RALGAPA2: variants seen among roughly 807,000 people sequenced by gnomAD.
RALGAPA2 encodes ral GTPase-activating protein subunit alpha-2.
In RALGAPA2, 139 loss-of-function variants were observed where a neutral mutation model predicts 230.4. The ratio of observed to expected loss-of-function variants is 0.60; its 90% CI spans 0.53 to 0.69. The LOEUF (loss-of-function observed/expected upper bound fraction) is 0.69, where lower values mean the gene tolerates loss of function less well. Among genes scored for constraint, RALGAPA2 ranks in the 30% least tolerant of loss-of-function variants. RALGAPA2 has a pLI of 0.00. For missense variants in RALGAPA2, 2,163 were observed against 2,276.0 expected (o/e 0.95, Z 1.01); for synonymous variants, 847 against 837.8 (o/e 1.01, Z -0.19).
chr20:20,667,732 T>A (rs1401792834), intron 3 of RALGAPA2, among the ~76,000 whole-genome samples: 2 of 152,200 alleles, frequency 1.3e-5, no homozygotes, highest in Non-Finnish European at 2.9e-5. Flanking sequence ...GCACTGAAAC[T>A]GTTTTCTTTA....
chr20:20,698,215 A>T (rs1335686733), intron 1 of RALGAPA2, among the ~76,000 whole-genome samples: 1 of 152,202 alleles, frequency 6.6e-6, no homozygotes, highest in Middle Eastern at 3.4e-3. Flanking sequence ...AGATAGAGGT[A>T]GCAGTTGCAA....
intron 23 of RALGAPA2, among the ~76,000 whole-genome samples, chr20:20,552,882 A>T (rs1230325824): frequency 6.6e-6 from 1 of 152,116 alleles, no homozygotes; most frequent in Non-Finnish European, 1.5e-5. Flanking sequence ...TACTTTACAT[A>T]CTACAAGCTG....
At chr20:20,694,103 C>CA (rs1394363587) in intron 1 of RALGAPA2, among the ~76,000 whole-genome samples, 5 of 141,294 alleles carry the variant, frequency 3.5e-5, no homozygotes, top group Non-Finnish European at 7.6e-5. Context: ...GACGTTGTCT[C>CA]AAAAAAAATG....
At chr20:20,681,489 G>A (rs1568746945) in intron 1 of RALGAPA2, among the ~76,000 whole-genome samples, 1 of 152,102 alleles carries the variant, frequency 6.6e-6, no homozygotes, top group Non-Finnish European at 1.5e-5. Flanking sequence ...CTCCCACTGG[G>A]GCTGATTAGC....
chr20:20,398,577 G>A lies in RALGAPA2; in HGVS notation c.5618-1843C>T, dbSNP rs1435729590. On this transcript the variant is annotated intron_variant, in intron 38 of 39. Coordinates refer to ENST00000202677, the MANE Select transcript of RALGAPA2 (RefSeq NM_020343.4). This position sits in a 1 kb window ranked among gnomAD's most constrained non-coding sequence, Gnocchi z 4.5. ...TTCCAGTCGTGGAGCAGAGGAGTAA[G>A]CTGTCAGCTTCCTGATACATCTCTG... is the stretch of plus-strand genomic sequence containing the variant. 2.0e-5 allele frequency among the ~76,000 whole-genome samples: 3 copies of A among 152,186 alleles called. No individual in the cohort carries two copies. Among genetic ancestry groups the A allele is most frequent in the Non-Finnish European group, 4.4e-5 (3 of 68,028 alleles).
At chr20:20,576,517 C>T (rs1020419944) in intron 20 of RALGAPA2, among the ~76,000 whole-genome samples, 34 of 152,034 alleles carry the variant, frequency 2.2e-4, no homozygotes, top group African/African-American at 6.0e-4. Flanking sequence ...CTTCTCTTAG[C>T]CCTGATGTAT....
chr20:20,432,610 G>A (rs994836697), intron 37 of RALGAPA2, among the ~76,000 whole-genome samples: 3 of 152,064 alleles, frequency 2.0e-5, no homozygotes, highest in African/African-American at 7.2e-5. Context: ...TAAAGTTAAT[G>A]ATTCTTTGAG....
chr20:20,577,779 C>T (rs2064864723), intron 20 of RALGAPA2, among the ~76,000 whole-genome samples: 1 of 151,938 alleles, frequency 6.6e-6, no homozygotes, highest in Non-Finnish European at 1.5e-5. Flanking sequence ...TGGCATTTTT[C>T]AATCCCTTGA....
intron 37 of RALGAPA2, among the ~76,000 whole-genome samples, chr20:20,426,685 C>T (rs1216331147): frequency 6.6e-6 from 1 of 152,180 alleles, no homozygotes; most frequent in Non-Finnish European, 1.5e-5. Flanking sequence ...ATCAGCAACA[C>T]ACAGCATACG....
In RALGAPA2 at chr20:20,712,238, G is replaced by C. The variant is rs1204443671; in HGVS notation, c.106+137C>G. On this transcript the variant is annotated intron_variant, in intron 1 of 39. Coordinates refer to ENST00000202677, the MANE Select transcript of RALGAPA2 (RefSeq NM_020343.4). The surrounding 1 kb of genome is among the most constrained non-coding windows in gnomAD (Gnocchi z 5.5). The stretch of plus-strand genomic sequence containing the variant: ...ACAAAGCCCCGGGGGTCCAAGCCCA[G>C]ATCCAGGGAAGGGGGTCGGACGCCC... 8.2e-6 allele frequency: 7 copies of C among 858,412 alleles called. No homozygotes were observed. In the South Asian group the frequency reaches 1.3e-4, roughly 16 times the overall value. The allele number at this position is 858,412 out of a possible 1,614,324, so 53.2% of individuals were successfully genotyped here. A position where few individuals can be genotyped will look rare whatever the true frequency, so the allele number is the denominator to read the frequency against.
chr20:20,586,110 C>T (rs2065126366), intron 18 of RALGAPA2, among the ~76,000 whole-genome samples: 1 of 152,172 alleles, frequency 6.6e-6, no homozygotes, highest in South Asian at 2.1e-4. Flanking sequence ...AATGTAGACT[C>T]TTCTGCTTCT....
rs62202175 is a variant in RALGAPA2 at position 20,503,169 on chromosome 20, G to A, written c.5208+182C>T. Reference sequence around the variant, plus strand: ...TCATTTTCCATCAGGTAATATTCACGGGAGGGAAGATCCAAAAGTAATAAC... The same window carrying A: ...TCATTTTCCATCAGGTAATATTCACAGGAGGGAAGATCCAAAAGTAATAAC... On this transcript the variant is annotated intron_variant, in intron 35 of 39. Coordinates refer to ENST00000202677, the MANE Select transcript of RALGAPA2 (RefSeq NM_020343.4). Among the ~76,000 whole-genome samples, 8 of 152,114 alleles carry A rather than the reference G, an allele frequency of 5.3e-5. No homozygotes were observed. In the East Asian group the frequency reaches 9.7e-4, roughly 18 times the overall value.
intron 1 of RALGAPA2, among the ~76,000 whole-genome samples, chr20:20,693,394 T>G (rs2068987038): frequency 6.6e-6 from 1 of 152,214 alleles, no homozygotes; most frequent in African/African-American, 2.4e-5. Flanking sequence ...TATATTTATC[T>G]ATCAGGAATC....
At chr20:20,589,657 T>C (rs894549501) in intron 17 of RALGAPA2, among the ~76,000 whole-genome samples, 7 of 152,050 alleles carry the variant, frequency 4.6e-5, no homozygotes, top group Non-Finnish European at 1.0e-4. Context: ...AAACCCTTCC[T>C]GGGGTCTTGG....
At chr20:20,595,111 G>A (rs2065412707) in intron 16 of RALGAPA2, among the ~76,000 whole-genome samples, 1 of 152,212 alleles carries the variant, frequency 6.6e-6, no homozygotes, top group African/African-American at 2.4e-5. Flanking sequence ...AGAAAAGGCA[G>A]TGTGATCAAA....
intron 37 of RALGAPA2, among the ~76,000 whole-genome samples, chr20:20,422,678 T>C (rs1313162875): frequency 6.6e-6 from 1 of 152,138 alleles, no homozygotes; most frequent in African/African-American, 2.4e-5. Context: ...AGAGAACAAA[T>C]GGCAGGATGG....
In RALGAPA2 at chr20:20,573,028, G is replaced by T. The variant is rs539866650; in HGVS notation, c.2748C>A (p.Ala916=). Reference sequence around the variant, plus strand: ...GGTGCCAACCAGTGAGGCTCCCCCCGGCGATTATACTACAGTCATCTGTGA... The same window carrying T: ...GGTGCCAACCAGTGAGGCTCCCCCCTGCGATTATACTACAGTCATCTGTGA... The part of the protein sequence containing the change: ...ECLTDDCSII[A]GGSLTGWHPD... Residue 916 remains alanine, a synonymous_variant, in exon 21 of 40, where the codon GCC becomes GCA. Transcript: ENST00000202677. The T allele has an allele frequency of 3.1e-6, 5 of 1,610,096 alleles. No individual in the cohort carries two copies. The highest frequency in any genetic ancestry group is 2.2e-5 in the South Asian group (2 of 90,088).
intron 38 of RALGAPA2, among the ~76,000 whole-genome samples, chr20:20,402,008 C>T (rs2059851173): frequency 6.6e-6 from 1 of 152,196 alleles, no homozygotes; most frequent in African/African-American, 2.4e-5. Flanking sequence ...TGAAGAAGGG[C>T]TCCTCTCCCC....
chr20:20,593,754 G>T (rs1260227224), intron 16 of RALGAPA2, among the ~76,000 whole-genome samples: 1 of 152,320 alleles, frequency 6.6e-6, no homozygotes, highest in South Asian at 2.1e-4. Context: ...AATAAGAGCT[G>T]AGCCAACACT....
Sources: allele counts gnomAD v4.1 joint callset (sites outside exome capture counted in the v4.1 genomes callset), GRCh38; gene constraint gnomAD v4.1.1; non-coding constraint Gnocchi (gnomAD v3.1); transcripts MANE v1.5; gene names NCBI Gene and HGNC (gene_info 2026-07-23, HGNC 2026-07-21).